The following SMO variants were observed in gnomAD, a reference collection of about 807,000 sequenced individuals.
The protein encoded by SMO is smoothened, frizzled class receptor.
In SMO, 40 loss-of-function variants were observed where a neutral mutation model predicts 81.6. That is an observed-to-expected ratio of 0.49 (90% CI 0.38 to 0.64). The LOEUF (loss-of-function observed/expected upper bound fraction) is 0.64. Among genes scored for constraint, SMO ranks in the 30% least tolerant of loss-of-function variants. SMO has a pLI of 0.00. For synonymous variants in SMO, 434 were observed against 432.1 expected (o/e 1.00, Z -0.05); for missense variants, 916 against 1,061.1 (o/e 0.86, Z 1.90).
In SMO at chr7:129,201,849, T is replaced by C. The variant is rs142138961; in HGVS notation, c.332-1535T>C. On this transcript the variant is annotated intron_variant, in intron 1 of 11. Transcript: ENST00000249373. Reference sequence around the variant, plus strand: ...GCATGTACCACCACGACCGGCTAATTTTTGTATTTTTAGTAGAGACGGGGT... The same window carrying C: ...GCATGTACCACCACGACCGGCTAATCTTTGTATTTTTAGTAGAGACGGGGT... Among the ~76,000 whole-genome samples the C allele has an allele frequency of 4.7e-3, 712 of 152,014 alleles. 4 individuals are homozygous for C. The highest frequency in any genetic ancestry group is 7.8e-3 in the Non-Finnish European group (528 of 67,960).
chr7:129,212,236 G>A lies in SMO; in HGVS notation c.2149G>A (p.Gly717Ser), dbSNP rs772640174. Residue 717 changes from glycine (G) to serine (S), a missense_variant, in exon 12 of 12, where the codon GGT (glycine) becomes AGT (serine). Coordinates refer to ENST00000249373, the MANE Select transcript of SMO (RefSeq NM_005631.5). The surrounding 1 kb of genome is among the most constrained non-coding windows in gnomAD (Gnocchi z 5.0). ...CCGGCAGAAATGCCTGGTGGCTGCAGGTGCCTGGGGAGCTGGGGACTCTTG... is the reference window on the plus strand; with the variant it reads ...CCGGCAGAAATGCCTGGTGGCTGCAAGTGCCTGGGGAGCTGGGGACTCTTG... ...LPRQKCLVAA[G>S]AWGAGDSCRQ... 6.3e-7 allele frequency: 1 copy of A among 1,594,166 alleles called. No homozygotes were observed. The highest frequency in any genetic ancestry group is 1.3e-5 in the African/African-American group (1 of 74,580).
chr7:129,213,033 AC>A lies in SMO; in HGVS notation c.*586del. On this transcript the variant is annotated 3_prime_UTR_variant, in exon 12 of 12. Transcript: ENST00000249373. The stretch of plus-strand genomic sequence containing the variant: ...ATGTCCTCTCTTAATAGGTGGCACT[AC>A]CCCAAACCCATCTTTTGTTCTCCTA... 1 of 253,234 alleles carries A rather than the reference AC, an allele frequency of 3.9e-6. No individual in the cohort carries two copies. Among genetic ancestry groups the A allele is most frequent in the Non-Finnish European group, 7.6e-6 (1 of 131,252 alleles). The allele number at this position is 253,234 out of a possible 1,614,324, so 15.7% of individuals were successfully genotyped here. A position where few individuals can be genotyped will look rare whatever the true frequency, so the allele number is the denominator to read the frequency against.
In SMO at chr7:129,212,001, C is replaced by G; in HGVS notation, c.1937-23C>G. 6.4e-7 allele frequency: 1 copy of G among 1,560,932 alleles called. No individual in the cohort carries two copies. Among genetic ancestry groups the G allele is most frequent in the Non-Finnish European group, 8.6e-7 (1 of 1,160,370 alleles). On this transcript the variant is annotated intron_variant, in intron 11 of 11. Coordinates refer to ENST00000249373, the MANE Select transcript of SMO (RefSeq NM_005631.5). This position sits in a 1 kb window ranked among gnomAD's most constrained non-coding sequence, Gnocchi z 5.0. The stretch of plus-strand genomic sequence containing the variant: ...ATGGACAGAGCCAGGGCCCCAGGCT[C>G]GTGTTGTCTCTCCTCCTGTCAGTGC...
intron 2 of SMO, 111 bp downstream of exon 2, chr7:129,203,700 T>G (rs1176518451): frequency 2.0e-5 from 16 of 801,076 alleles, no homozygotes; most frequent in Non-Finnish European, 2.3e-5. Flanking sequence ...CTGGAGACCC[T>G]GAGCCTACAG....
At chr7:129,198,057 C>T (rs1489194503) in intron 1 of SMO, among the ~76,000 whole-genome samples, 1 of 152,142 alleles carries the variant, frequency 6.6e-6, no homozygotes, top group East Asian at 1.9e-4. Context: ...AAAGCTTCCC[C>T]ATCCTAGTAA....
chr7:129,205,483 GGC>G, intron 3 of SMO, 71 bp downstream of exon 3: 1 of 1,558,464 alleles, frequency 6.4e-7, no homozygotes, highest in Non-Finnish European at 8.8e-7. Context: ...AGGGAAGGGG[GGC>G]AAAGAGGTCT....
intron 1 of SMO, among the ~76,000 whole-genome samples, chr7:129,192,865 G>C (rs1398265328): frequency 2.6e-5 from 4 of 152,208 alleles, no homozygotes; most frequent in Admixed American, 6.5e-5. Context: ...TCTGGAAATA[G>C]GAATTGCTGG....
chr7:129,211,620 C>G lies in SMO; in HGVS notation c.1802-16C>G, dbSNP rs2150655475. 1 of 1,611,270 alleles carries G rather than the reference C, an allele frequency of 6.2e-7. No homozygotes were observed. Among genetic ancestry groups the G allele is most frequent in the Non-Finnish European group, 8.5e-7 (1 of 1,179,176 alleles). On this transcript the variant is annotated splice_polypyrimidine_tract_variant and intron_variant, in intron 10 of 11. Coordinates refer to ENST00000249373, the MANE Select transcript of SMO (RefSeq NM_005631.5). The surrounding 1 kb of genome is among the most constrained non-coding windows in gnomAD (Gnocchi z 4.6). ...AGTCACTATTCCTTCTCCTTTCCTT[C>G]CTTCCATTCCCACAGCGGGCTTGGC...
At position 129,188,997 on chromosome 7, in the gene SMO, G is replaced by T; in HGVS notation, c.-155G>T. The T allele has an allele frequency of 1.8e-6, 1 of 568,450 alleles. No homozygotes were observed. The highest frequency in any genetic ancestry group is 2.6e-6 in the Non-Finnish European group (1 of 390,540). 35.2% of individuals were successfully genotyped at this position (568,450 alleles called of 1,614,324 possible). ...CGAAGTTGGGCGCCGAGGGGCCGGG[G>T]CGCGCGGAGCGTCCGGGGGGGCCCG... On this transcript the variant is annotated 5_prime_UTR_variant, in exon 1 of 12. Transcript: ENST00000249373. This position sits in a 1 kb window ranked among gnomAD's most constrained non-coding sequence, Gnocchi z 4.9.
Position 129,207,594 on chromosome 7 carries a change from A to G in SMO, c.1264+1007A>G, listed in dbSNP as rs538587787. 1.2e-4 allele frequency among the ~76,000 whole-genome samples: 18 copies of G among 152,282 alleles called. No homozygotes were observed. In the Middle Eastern group the frequency reaches 0.01, roughly 86 times the overall value. On this transcript the variant is annotated intron_variant, in intron 6 of 11. Coordinates refer to ENST00000249373, the MANE Select transcript of SMO (RefSeq NM_005631.5). ...TCCTAGTATGGTAATCACTAGCCAC[A>G]TGTGTTGAACTAGTCCAGCCTGGGT...
At chr7:129,201,399 A>C (rs984760201) in intron 1 of SMO, among the ~76,000 whole-genome samples, 1 of 152,136 alleles carries the variant, frequency 6.6e-6, no homozygotes, top group African/African-American at 2.4e-5. Context: ...TACTCCAGAG[A>C]GGTCCCCCCA....
chr7:129,193,785 A>AAAAATATAT lies in SMO; in HGVS notation c.331+4304_331+4305insAAATATATA, dbSNP rs1563145734. Among the ~76,000 whole-genome samples the AAAAATATAT allele has an allele frequency of 4.6e-4, 12 of 26,356 alleles. 1 individual carries two copies. The highest frequency in any genetic ancestry group is 6.8e-4 in the African/African-American group (4 of 5,906). The allele number at this position is 26,356 out of a possible 152,430, so 17.3% of individuals were successfully genotyped here. A position where few individuals can be genotyped will look rare whatever the true frequency, so the allele number is the denominator to read the frequency against. The stretch of plus-strand genomic sequence containing the variant: ...AAAAAAAAAAAAAAAAAAAAAAAAA[A>AAAAATATAT]ATATATATATATATATATATATATA... On this transcript the variant is annotated intron_variant, in intron 1 of 11. Transcript: ENST00000249373.
At chr7:129,197,992 A>G (rs1793612871) in intron 1 of SMO, among the ~76,000 whole-genome samples, 1 of 152,216 alleles carries the variant, frequency 6.6e-6, no homozygotes, top group Admixed American at 6.5e-5. Context: ...ATACTGATAA[A>G]GCTGATATCC....
chr7:129,209,393 G>A lies in SMO; in HGVS notation c.1462G>A (p.Val488Met), dbSNP rs552604250. The part of the protein sequence containing the change: ...AEWERSFRDY[V>M]LCQANVTIGL... ...GTGGGAGCGCAGCTTCCGGGACTAT[G>A]TGCTGTGAGTGAGGGGCATGGAGGC... is the stretch of plus-strand genomic sequence containing the variant. The change falls in exon 8 of 12, where the codon GTG (valine) becomes ATG (methionine). Residue 488 changes from valine to methionine, a missense_variant. Transcript: ENST00000249373. 60 of 1,604,714 alleles carry A rather than the reference G, an allele frequency of 3.7e-5. No individual in the cohort carries two copies. The highest frequency in any genetic ancestry group is 2.9e-5 in the Non-Finnish European group (34 of 1,171,534).
At position 129,208,943 on chromosome 7, in the gene SMO, C is replaced by A; in HGVS notation, c.1357+92C>A. 1 of 859,250 alleles carries A rather than the reference C, an allele frequency of 1.2e-6. No homozygotes were observed. The highest frequency in any genetic ancestry group is 1.9e-6 in the Non-Finnish European group (1 of 522,252). The allele number at this position is 859,250 out of a possible 1,614,324, so 53.2% of individuals were successfully genotyped here. A position where few individuals can be genotyped will look rare whatever the true frequency, so the allele number is the denominator to read the frequency against. ...ATGCGACCGGCAGGATGCAGTAAGT[C>A]AGTGGGACAAGTTAGCCATAGGGAC... On this transcript the variant is annotated intron_variant, in intron 7 of 11. Coordinates refer to ENST00000249373, the MANE Select transcript of SMO (RefSeq NM_005631.5). This position sits in a 1 kb window ranked among gnomAD's most constrained non-coding sequence, Gnocchi z 5.2.
chr7:129,205,837 C>A lies in SMO; in HGVS notation c.920+55C>A, dbSNP rs112783044. On this transcript the variant is annotated intron_variant, in intron 4 of 11. Coordinates refer to ENST00000249373, the MANE Select transcript of SMO (RefSeq NM_005631.5). ...GTACAGGGAGGAAGGCTGAAGTGTG[C>A]GTTTACCCCAAAGGGAGCAGGTGCG... The A allele has an allele frequency of 9.8e-5, 150 of 1,527,892 alleles. No individual in the cohort carries two copies. In the African/African-American group the frequency reaches 1.6e-3, roughly 16 times the overall value. The allele number at this position is 1,527,892 out of a possible 1,614,324, so 94.6% of individuals were successfully genotyped here.
At position 129,196,056 on chromosome 7, in the gene SMO, G is replaced by A. The variant is rs138562394; in HGVS notation, c.331+6574G>A. On this transcript the variant is annotated intron_variant, in intron 1 of 11. Coordinates refer to ENST00000249373, the MANE Select transcript of SMO (RefSeq NM_005631.5). ...GCGGAGCTTGCAGTGAGCCGAGATC[G>A]TGCCACTGCACTCCAGCCTGGGTGA... Among the ~76,000 whole-genome samples the A allele has an allele frequency of 7.9e-3, 1,171 of 148,682 alleles. 13 individuals are homozygous for A. The highest frequency in any genetic ancestry group is 0.026 in the African/African-American group (1,023 of 40,088).
chr7:129,196,932 G>C (rs146009111), intron 1 of SMO, among the ~76,000 whole-genome samples: 1 of 150,634 alleles, frequency 6.6e-6, no homozygotes, highest in Admixed American at 6.7e-5. Context: ...CAGGAGAATG[G>C]CGTGAACCTG....
Position 129,208,821 on chromosome 7 carries a change from A to T in SMO, c.1327A>T (p.Ser443Cys), listed in dbSNP as rs2150652333. ...CGGGCTGCTGAGTGAGAAGGCTGCC[A>T]GCAAGATCAACGAGACCATGCTGCG... ...HPGLLSEKAA[S>C]KINETMLRLG... The change falls in exon 7 of 12, where the codon AGC becomes TGC. Residue 443 changes from serine to cysteine, a missense_variant. Around this residue, in one of 4 missense-constraint regions of SMO, gnomAD observed 436 missense variants for 570.9 expected, o/e 0.76. Transcript: ENST00000249373. The surrounding 1 kb of genome is among the most constrained non-coding windows in gnomAD (Gnocchi z 5.2). 6.2e-7 allele frequency: 1 copy of T among 1,613,998 alleles called. No homozygotes were observed. Among genetic ancestry groups the T allele is most frequent in the Non-Finnish European group, 8.5e-7 (1 of 1,179,922 alleles).
Sources: allele counts gnomAD v4.1 joint callset (sites outside exome capture counted in the v4.1 genomes callset), GRCh38; gene constraint gnomAD v4.1.1; regional missense constraint gnomAD v4.1.1; non-coding constraint Gnocchi (gnomAD v3.1); transcripts MANE v1.5; gene names NCBI Gene and HGNC (gene_info 2026-07-23, HGNC 2026-07-21).